The following EFCAB7 variants were observed in gnomAD, a reference collection of about 807,000 sequenced individuals.
The protein encoded by EFCAB7 is EF-hand calcium binding domain 7.
Under a neutral mutation model 77.1 loss-of-function variants are expected in EFCAB7, and 66 were observed. The observed-to-expected ratio is 0.86, with a 90% CI of 0.70 to 1.05. The LOEUF (loss-of-function observed/expected upper bound fraction) is 1.05, where lower values mean the gene tolerates loss of function less well. EFCAB7 is among the 50% of genes least tolerant of loss of function. The probability of loss-of-function intolerance (pLI) is 0.00; values close to 1 mark genes in which losing one functional copy is unlikely to be tolerated. For missense variants in EFCAB7, 638 were observed against 730.5 expected (o/e 0.87, Z 1.46); for synonymous variants, 225 against 243.3 (o/e 0.92, Z 0.70).
Position 63,525,745 on chromosome 1 carries a change from A to T in EFCAB7, c.173A>T (p.Asp58Val). The change falls in exon 2 of 14, where the codon GAT becomes GTT. Residue 58 changes from aspartate (D) to valine (V), a missense_variant. Transcript: ENST00000371088. ...AGCTTGGAAAACATTATTTCTAAAGATCAACTTTACTTAGGTAAATTTTTA... is the reference window on the plus strand; with the variant it reads ...AGCTTGGAAAACATTATTTCTAAAGTTCAACTTTACTTAGGTAAATTTTTA... ...KSSLENIISK[D>V]QLYLALQHAG... 6.4e-7 allele frequency: 1 copy of T among 1,564,218 alleles called. No homozygotes were observed. Among genetic ancestry groups the T allele is most frequent in the South Asian group, 1.2e-5 (1 of 81,512 alleles).
chr1:63,543,848 G>T (rs1457473838), intron 6 of EFCAB7, among the ~76,000 whole-genome samples: 1 of 152,018 alleles, frequency 6.6e-6, no homozygotes, highest in Non-Finnish European at 1.5e-5. Context: ...AAAGTGAAAA[G>T]CATTTTTGCA....
downstream of EFCAB7, among the ~76,000 whole-genome samples, chr1:63,573,166 A>C (rs1159628471): frequency 6.6e-6 from 1 of 152,018 alleles, no homozygotes; most frequent in Non-Finnish European, 1.5e-5. Context: ...GGGCGGCGAA[A>C]ATTTTTGGGG....
chr1:63,545,226 T>G (rs1029392310), intron 6 of EFCAB7, among the ~76,000 whole-genome samples: 2 of 151,922 alleles, frequency 1.3e-5, no homozygotes, highest in Non-Finnish European at 2.9e-5. Context: ...CAACTTTATT[T>G]TTCTTACTTC....
At chr1:63,533,784 T>C (rs1240708005) in intron 5 of EFCAB7, 135 bp downstream of exon 5, 2 of 682,882 alleles carry the variant, frequency 2.9e-6, no homozygotes, top group Non-Finnish European at 4.5e-6. Flanking sequence ...ATTTCTAGAC[T>C]CTTTCAGCTG....
chr1:63,555,530 T>G lies in EFCAB7; in HGVS notation c.1214+15T>G. The G allele has an allele frequency of 1.2e-6, 2 of 1,607,526 alleles. No homozygotes were observed. Among genetic ancestry groups the G allele is most frequent in the Non-Finnish European group, 1.7e-6 (2 of 1,175,688 alleles). ...AAGGAATTTAAGTAAGTTTTGTTTATTAATGTTAGAATTATAACATCTAGA... is the reference window on the plus strand; with the variant it reads ...AAGGAATTTAAGTAAGTTTTGTTTAGTAATGTTAGAATTATAACATCTAGA... On this transcript the variant is annotated intron_variant, in intron 9 of 13. Transcript: ENST00000371088.
chr1:63,563,120 A>G (rs138629524), intron 11 of EFCAB7, among the ~76,000 whole-genome samples: 7 of 152,304 alleles, frequency 4.6e-5, no homozygotes, highest in African/African-American at 1.7e-4. Flanking sequence ...TGATTGTGCT[A>G]CCCATGTTGT....
intron 6 of EFCAB7, among the ~76,000 whole-genome samples, chr1:63,535,746 CTATT>C (rs1646754996): frequency 2.0e-5 from 3 of 151,882 alleles, no homozygotes; most frequent in Admixed American, 2.0e-4. Context: ...AATGTTAATA[CTATT>C]TATTATATAC....
rs767551623 is a variant in EFCAB7, at chr1:63,555,489, G to T, written c.1188G>T (p.Gly396=). The T allele has an allele frequency of 1.9e-6, 3 of 1,612,266 alleles. No homozygotes were observed. In the East Asian group the frequency reaches 6.7e-5, roughly 36 times the overall value. ...AACTTGTATATAGAGATGAAACAGG[G>T]GAATTATTCCTTACAAAGGAATTTA... ...EAQLVYRDET[G]ELFLTKEFKS... is the part of the protein sequence containing the mutation. Residue 396 remains glycine, a synonymous_variant, in exon 9 of 14, where the codon GGG becomes GGT. Coordinates refer to ENST00000371088, the MANE Select transcript of EFCAB7 (RefSeq NM_032437.4).
downstream of EFCAB7, among the ~76,000 whole-genome samples, chr1:63,576,966 G>C (rs1209120516): frequency 6.6e-6 from 1 of 151,994 alleles, no homozygotes; most frequent in Non-Finnish European, 1.5e-5. Context: ...GGCCAATATG[G>C]TGAAACCCCA....
intron 7 of EFCAB7, chr1:63,548,483 T>G (rs111650072): frequency 6.6e-6 from 1 of 152,202 alleles, no homozygotes; most frequent in African/African-American, 2.4e-5. Context: ...TTTTTTGGTA[T>G]TAATCCTGCT....
chr1:63,561,905 T>G (rs1362037276), intron 11 of EFCAB7, 48 bp downstream of exon 11: 1 of 1,353,038 alleles, frequency 7.4e-7, no homozygotes, highest in Admixed American at 2.7e-5. Flanking sequence ...TACATAATAT[T>G]TTACTTTATG....
chr1:63,548,221 G>C (rs1225713296), intron 7 of EFCAB7: 1 of 152,246 alleles, frequency 6.6e-6, no homozygotes, highest in Non-Finnish European at 1.5e-5. Context: ...CTCAAATGGA[G>C]TAAGTGAGGA....
chr1:63,531,294 C>T (rs1303317843), intron 2 of EFCAB7, among the ~76,000 whole-genome samples: 2 of 150,598 alleles, frequency 1.3e-5, no homozygotes, highest in African/African-American at 2.5e-5. Flanking sequence ...TTGTCTTCAG[C>T]GTCTAGCTTA....
At chr1:63,566,845 A>AT (rs908066772) in intron 11 of EFCAB7, among the ~76,000 whole-genome samples, 6 of 150,014 alleles carry the variant, frequency 4.0e-5, no homozygotes, top group African/African-American at 1.5e-4. Context: ...TGATTAAAAT[A>AT]TTTTTATTAT....
intron 7 of EFCAB7, chr1:63,546,939 G>T (rs1357805429): frequency 1.3e-5 from 2 of 152,046 alleles, no homozygotes; most frequent in East Asian, 1.9e-4. Context: ...TATCTATAAG[G>T]GTGATTTCCC....
At chr1:63,570,553 C>T (rs1388229829) in intron 12 of EFCAB7, 1 of 152,334 alleles carries the variant, frequency 6.6e-6, no homozygotes, top group East Asian at 1.9e-4. Flanking sequence ...TCTCAGTGCA[C>T]CTAGACCCTA....
chr1:63,532,741 AT>A lies in EFCAB7; in HGVS notation c.474del (p.Phe158LeufsTer11), dbSNP rs763384780. On this transcript the variant is annotated frameshift_variant, in exon 4 of 14. Coordinates refer to ENST00000371088, the MANE Select transcript of EFCAB7 (RefSeq NM_032437.4). LOFTEE classifies it high-confidence loss of function. ...NLADVNADGKFDYIKFCKLYM... is the reference protein window; with the variant it reads ...NLADVNADGKXDYIKFCKLYM... ...TGGCTGATGTAAATGCTGATGGCAAATTTGACTACATCAAGGTACATAAGCT... is the reference window on the plus strand; with the variant it reads ...TGGCTGATGTAAATGCTGATGGCAAATTGACTACATCAAGGTACATAAGCT... 85 of 1,607,260 alleles carry A rather than the reference AT, an allele frequency of 5.3e-5. No individual in the cohort carries two copies. The highest frequency in any genetic ancestry group is 1.0e-4 in the Admixed American group (6 of 58,374).
intron 11 of EFCAB7, among the ~76,000 whole-genome samples, chr1:63,566,120 G>C (rs540882241): frequency 6.6e-6 from 1 of 152,306 alleles, no homozygotes; most frequent in South Asian, 2.1e-4. Context: ...TGGAAAACAG[G>C]ATAAAGAAAA....
intron 7 of EFCAB7, chr1:63,547,617 T>G (rs998638914): frequency 5.3e-5 from 8 of 152,206 alleles, no homozygotes; most frequent in Non-Finnish European, 5.9e-5. Context: ...CTTAAAACAA[T>G]TAAACATTTG....
Sources: gnomAD v4.1 joint callset for allele counts (sites outside exome capture counted in the v4.1 genomes callset) on GRCh38, gnomAD v4.1.1 for gene constraint, MANE v1.5 for transcripts, NCBI Gene and HGNC (gene_info 2026-07-23, HGNC 2026-07-21) for gene names.